WWOX: variants seen among roughly 807,000 people sequenced by gnomAD.
WWOX encodes the protein WW domain containing oxidoreductase.
Under a neutral mutation model 46.2 loss-of-function variants are expected in WWOX, and 69 were observed. The observed-to-expected ratio is 1.49, with a 90% confidence interval of 1.23 to 1.82. WWOX has a LOEUF of 1.82. WWOX is among the 40% of genes most tolerant of loss of function. WWOX has a pLI of 0.00. For missense variants in WWOX, 919 were observed against 542.6 expected (o/e 1.69, Z -6.89); for synonymous variants, 359 against 202.6 (o/e 1.77, Z -6.56).
rs1248515494 is a variant in WWOX, at chr16:78,424,830, G to A, written c.606-40G>A. ...GGAGCATGGATTATCCTTGGTTGTA[G>A]TGTTTATGTCCACATCACATGGGAT... On this transcript the variant is annotated intron_variant, in intron 6 of 8. Coordinates refer to ENST00000566780, the MANE Select transcript of WWOX (RefSeq NM_016373.4). The A allele has an allele frequency of 2.5e-6, 4 of 1,611,036 alleles. No individual in the cohort carries two copies. In the African/African-American group the frequency reaches 4.0e-5, roughly 16 times the overall value.
intron 8 of WWOX, among the ~76,000 whole-genome samples, chr16:78,839,532 G>A (rs2052081955): frequency 6.6e-6 from 1 of 152,116 alleles, no homozygotes; most frequent in East Asian, 1.9e-4. Flanking sequence ...CCTTCCTCAT[G>A]CTAATAGGTG....
chr16:78,766,898 A>T (rs1567545927), intron 8 of WWOX, among the ~76,000 whole-genome samples: 1 of 152,200 alleles, frequency 6.6e-6, no homozygotes, highest in Non-Finnish European at 1.5e-5. Context: ...TATACCTAAA[A>T]TATTTTCATC....
chr16:79,179,544 G>A (rs1567601349), intron 8 of WWOX, among the ~76,000 whole-genome samples: 1 of 152,230 alleles, frequency 6.6e-6, no homozygotes, highest in East Asian at 1.9e-4. Context: ...TAGCTAAAAT[G>A]AAGGCAACAT....
chr16:79,141,477 A>G (rs1597412369), intron 8 of WWOX, among the ~76,000 whole-genome samples: 1 of 152,360 alleles, frequency 6.6e-6, no homozygotes, highest in East Asian at 1.9e-4. Context: ...TTCAGGGTTC[A>G]CAGACCTGTC....
intron 8 of WWOX, among the ~76,000 whole-genome samples, chr16:78,500,376 C>A (rs1450348154): frequency 6.8e-6 from 1 of 148,054 alleles, no homozygotes; most frequent in Non-Finnish European, 1.5e-5. Flanking sequence ...AACATTTTTG[C>A]ATTTCTTTCT....
chr16:78,214,436 A>T (rs9939323), intron 5 of WWOX, among the ~76,000 whole-genome samples: 61,953 of 151,916 alleles, frequency 0.41, 13,319 homozygotes, highest in African/African-American at 0.54. Flanking sequence ...GCACAATCGA[A>T]GTCTGCTGCT....
intron 2 of WWOX, 32 bp downstream of exon 2, chr16:78,108,519 G>A (rs1196479289): frequency 6.2e-7 from 1 of 1,611,220 alleles, no homozygotes; most frequent in East Asian, 2.2e-5. Flanking sequence ...GATCTTGGAT[G>A]GAAGCATTAA....
chr16:78,906,030 G>GA (rs1567639793), intron 8 of WWOX, among the ~76,000 whole-genome samples: 16 of 151,920 alleles, frequency 1.1e-4, no homozygotes, highest in African/African-American at 1.7e-4. Context: ...TGCAATGATG[G>GA]ATGAATGAAT....
At chr16:78,666,423 C>A (rs1242333233) in intron 8 of WWOX, among the ~76,000 whole-genome samples, 1 of 152,172 alleles carries the variant, frequency 6.6e-6, no homozygotes, top group Non-Finnish European at 1.5e-5. Context: ...AACCCAAGCC[C>A]CAGTGTGTCA....
chr16:78,913,284 G>GC (rs2151258332), intron 8 of WWOX, among the ~76,000 whole-genome samples: 1 of 152,080 alleles, frequency 6.6e-6, no homozygotes, highest in Admixed American at 6.6e-5. Flanking sequence ...CAGCAAGCCC[G>GC]TTTTTTGCCT....
chr16:78,302,258 G>T (rs1425345630), intron 5 of WWOX, among the ~76,000 whole-genome samples: 1 of 152,162 alleles, frequency 6.6e-6, no homozygotes, highest in Non-Finnish European at 1.5e-5. Flanking sequence ...ACTGTGCCCG[G>T]CCTTAGATGA....
intron 8 of WWOX, among the ~76,000 whole-genome samples, chr16:78,458,703 C>T (rs1048100929): frequency 2.0e-5 from 3 of 151,996 alleles, no homozygotes; most frequent in African/African-American, 7.2e-5. Context: ...GGAAGATAAT[C>T]TGACATTTAA....
intron 8 of WWOX, among the ~76,000 whole-genome samples, chr16:79,032,188 C>T (rs1039288372): frequency 1.4e-5 from 2 of 144,722 alleles, no homozygotes; most frequent in Non-Finnish European, 3.0e-5. Flanking sequence ...ATTGCCCCCA[C>T]CAAATATTTA....
chr16:78,455,798 A>C (rs201329138), intron 8 of WWOX, among the ~76,000 whole-genome samples: 1 of 134,786 alleles, frequency 7.4e-6, no homozygotes. Flanking sequence ...AGGTTAAAAA[A>C]AAAAAAAAGG....
intron 8 of WWOX, among the ~76,000 whole-genome samples, chr16:79,165,418 T>A (rs1251902506): frequency 6.6e-6 from 1 of 152,154 alleles, no homozygotes; most frequent in Non-Finnish European, 1.5e-5. Flanking sequence ...CAGCTAAATT[T>A]CCCACTGCAG....
chr16:78,527,899 C>T (rs1213468398), intron 8 of WWOX, among the ~76,000 whole-genome samples: 1 of 151,396 alleles, frequency 6.6e-6, no homozygotes, highest in Non-Finnish European at 1.5e-5. Context: ...AGGACCATGC[C>T]CACCACAAAA....
At chr16:79,076,008 G>T (rs1050948856) in intron 8 of WWOX, among the ~76,000 whole-genome samples, 28 of 152,086 alleles carry the variant, frequency 1.8e-4, no homozygotes, top group East Asian at 1.9e-4. Flanking sequence ...TTGAAGTGGG[G>T]TTTTTTTCTT....
chr16:78,398,852 A>T (rs1000182412), intron 6 of WWOX, among the ~76,000 whole-genome samples: 1 of 152,232 alleles, frequency 6.6e-6, no homozygotes, highest in African/African-American at 2.4e-5. Flanking sequence ...GATACTTAAT[A>T]AAAAAGTGAA....
intron 8 of WWOX, among the ~76,000 whole-genome samples, chr16:79,002,962 A>G (rs2047122624): frequency 6.6e-6 from 1 of 152,218 alleles, no homozygotes; most frequent in South Asian, 2.1e-4. Context: ...GGAAAGAAAA[A>G]TGATATCGCT....
Sources: allele counts gnomAD v4.1 joint callset (sites outside exome capture counted in the v4.1 genomes callset), GRCh38; gene constraint gnomAD v4.1.1; transcripts MANE v1.5; gene names NCBI Gene and HGNC (gene_info 2026-07-23, HGNC 2026-07-21).